NLGN1: variants seen among roughly 807,000 people sequenced by gnomAD.
NLGN1 encodes neuroligin-1.
In NLGN1, 12 loss-of-function variants were observed where a neutral mutation model predicts 65.5. That is an observed-to-expected ratio of 0.18 (90% confidence interval 0.12 to 0.30). NLGN1 has a LOEUF of 0.30. Ranked by LOEUF, NLGN1 falls within the 10% of genes least tolerant of loss-of-function variation. The probability of loss-of-function intolerance (pLI) is 1.00; values close to 1 mark genes in which losing one functional copy is unlikely to be tolerated. For missense variants in NLGN1, 750 were observed against 1,007.1 expected (o/e 0.74, Z 3.46); for synonymous variants, 350 against 359.5 (o/e 0.97, Z 0.30).
chr3:173,715,415 T>G (rs184599196), intron 3 of NLGN1, among the ~76,000 whole-genome samples: 1 of 152,284 alleles, frequency 6.6e-6, no homozygotes, highest in African/African-American at 2.4e-5. Context: ...ATGCCACTTC[T>G]TTTTTCCTTG....
chr3:174,214,469 G>A (rs138463923), intron 4 of NLGN1, among the ~76,000 whole-genome samples: 2,397 of 152,120 alleles, frequency 0.016, 30 homozygotes, highest in Non-Finnish European at 0.023. Flanking sequence ...CCTATTTATA[G>A]GCACATATTT....
chr3:173,955,949 G>T (rs1355822636), intron 4 of NLGN1, among the ~76,000 whole-genome samples: 1 of 151,818 alleles, frequency 6.6e-6, no homozygotes, highest in East Asian at 1.9e-4. Context: ...ATAGTTTAAC[G>T]TGAAAAAATA....
intron 2 of NLGN1, among the ~76,000 whole-genome samples, chr3:173,527,024 C>A (rs539075432): frequency 6.6e-6 from 1 of 152,324 alleles, no homozygotes; most frequent in East Asian, 1.9e-4. Context: ...GCTTCTAAAT[C>A]TTGGCTATTG....
intron 4 of NLGN1, among the ~76,000 whole-genome samples, chr3:174,242,540 C>T (rs1486763921): frequency 6.6e-6 from 1 of 152,210 alleles, no homozygotes; most frequent in East Asian, 1.9e-4. Context: ...GCATTAGATT[C>T]TCATAGGAAC....
At chr3:174,046,008 C>T (rs1200319488) in intron 4 of NLGN1, among the ~76,000 whole-genome samples, 1 of 152,086 alleles carries the variant, frequency 6.6e-6, no homozygotes, top group Non-Finnish European at 1.5e-5. Flanking sequence ...AGCTACATGT[C>T]TATTTGTTCA....
chr3:173,583,053 T>A (rs1404287013), intron 2 of NLGN1, among the ~76,000 whole-genome samples: 2 of 152,188 alleles, frequency 1.3e-5, no homozygotes, highest in Non-Finnish European at 2.9e-5. Flanking sequence ...CCATGAATAT[T>A]TTTCTGGACT....
intron 3 of NLGN1, among the ~76,000 whole-genome samples, chr3:173,735,762 G>A (rs895437040): frequency 1.8e-4 from 27 of 152,086 alleles, no homozygotes; most frequent in African/African-American, 6.5e-4. Flanking sequence ...TTGACAATTT[G>A]GTTAGACTTG....
intron 3 of NLGN1, among the ~76,000 whole-genome samples, chr3:173,758,616 A>T (rs988014157): frequency 2.6e-5 from 4 of 152,104 alleles, no homozygotes; most frequent in Admixed American, 6.6e-5. Flanking sequence ...ATCTTTCCAG[A>T]CATGTCTTGC....
At chr3:173,491,963 C>T (rs1380853541) in intron 2 of NLGN1, among the ~76,000 whole-genome samples, 7 of 151,666 alleles carry the variant, frequency 4.6e-5, no homozygotes, top group African/African-American at 1.7e-4. Flanking sequence ...CACCTGTGAT[C>T]CTTAGCACCC....
intron 2 of NLGN1, among the ~76,000 whole-genome samples, chr3:173,585,748 C>T (rs1386409026): frequency 2.0e-5 from 3 of 152,250 alleles, no homozygotes; most frequent in South Asian, 2.1e-4. Flanking sequence ...TGATGCATCC[C>T]TGCCCTGCCT....
chr3:174,262,922 C>T (rs1406685718), intron 4 of NLGN1, among the ~76,000 whole-genome samples: 2 of 111,980 alleles, frequency 1.8e-5, no homozygotes, highest in African/African-American at 7.3e-5. Flanking sequence ...ATCTTTATTT[C>T]TGCCTTCATT....
chr3:173,589,755 G>T (rs1186481650), intron 2 of NLGN1, among the ~76,000 whole-genome samples: 2 of 152,106 alleles, frequency 1.3e-5, no homozygotes. Context: ...ACCAATGTTT[G>T]TCATCAGTTT....
intron 4 of NLGN1, chr3:173,914,958 G>A (rs2152238659): frequency 6.6e-6 from 1 of 152,242 alleles, no homozygotes; most frequent in Admixed American, 6.5e-5. Context: ...ATTTTCAACG[G>A]CGAATAATCC....
At chr3:173,581,669 G>C (rs1441062129) in intron 2 of NLGN1, among the ~76,000 whole-genome samples, 1 of 151,544 alleles carries the variant, frequency 6.6e-6, no homozygotes, top group Non-Finnish European at 1.5e-5. Flanking sequence ...ACACTTCTTA[G>C]AAATATTTAG....
chr3:173,883,814 C>CTTTT (rs74363696), intron 4 of NLGN1, among the ~76,000 whole-genome samples: 32 of 96,370 alleles, frequency 3.3e-4, no homozygotes, highest in East Asian at 5.6e-4. Context: ...GGGAAACTTT[C>CTTTT]TTTTTTTTTT....
intron 2 of NLGN1, among the ~76,000 whole-genome samples, chr3:173,584,278 G>GA (rs1018645236): frequency 1.3e-5 from 2 of 150,410 alleles, no homozygotes; most frequent in African/African-American, 4.9e-5. Context: ...GAGGGGATGG[G>GA]AAAAAAAAGT....
intron 5 of NLGN1, 60 bp downstream of exon 5, chr3:174,275,587 AG>A: frequency 2.1e-6 from 2 of 940,616 alleles, no homozygotes; most frequent in Non-Finnish European, 3.4e-6. Context: ...CACCATCAGT[AG>A]TATGTGATGC....
chr3:174,035,613 G>A (rs1005083395), intron 4 of NLGN1, among the ~76,000 whole-genome samples: 1 of 152,124 alleles, frequency 6.6e-6, no homozygotes, highest in African/African-American at 2.4e-5. Flanking sequence ...CCAAGTTGAG[G>A]TTTGCTCCAC....
intron 4 of NLGN1, among the ~76,000 whole-genome samples, chr3:173,869,570 T>G (rs963536277): frequency 6.6e-6 from 1 of 152,156 alleles, no homozygotes; most frequent in Non-Finnish European, 1.5e-5. Flanking sequence ...TTCTGTATTT[T>G]AAGTAAGAAA....
Sources: allele counts gnomAD v4.1 joint callset (sites outside exome capture counted in the v4.1 genomes callset), GRCh38; gene constraint gnomAD v4.1.1; transcripts MANE v1.5; gene names NCBI Gene and HGNC (gene_info 2026-07-23, HGNC 2026-07-21).